The following EPB41L4B variants were observed in gnomAD, a reference collection of about 807,000 sequenced individuals.
The protein encoded by EPB41L4B is band 4.1-like protein 4B.
Under a neutral mutation model 112.5 loss-of-function variants are expected in EPB41L4B, and 30 were observed. The observed-to-expected ratio is 0.27, with a 90% CI of 0.20 to 0.36. The LOEUF is 0.36. Ranked by LOEUF, EPB41L4B falls within the 10% of genes least tolerant of loss-of-function variation. The probability of loss-of-function intolerance (pLI) is 1.00; values close to 1 mark genes in which losing one functional copy is unlikely to be tolerated. For synonymous variants in EPB41L4B, 408 were observed against 439.7 expected, an observed-to-expected ratio of 0.93 and a Z score of 0.90; for missense variants, 1,024 against 1,133.3, an observed-to-expected ratio of 0.90 and a Z score of 1.38.
At chr9:109,275,130 G>A (rs553402595) in intron 2 of EPB41L4B, among the ~76,000 whole-genome samples, 12 of 152,352 alleles carry the variant, frequency 7.9e-5, no homozygotes, top group African/African-American at 2.9e-4. Flanking sequence ...CTAAAAATAG[G>A]TGATATCAAT....
At chr9:109,214,042 G>C (rs1833278149) in intron 16 of EPB41L4B, among the ~76,000 whole-genome samples, 1 of 152,118 alleles carries the variant, frequency 6.6e-6, no homozygotes, top group African/African-American at 2.4e-5. Context: ...ACGCCCCTGG[G>C]TACGTTGTTT....
At chr9:109,250,198 AT>A (rs1466393017) in intron 13 of EPB41L4B, among the ~76,000 whole-genome samples, 1 of 152,186 alleles carries the variant, frequency 6.6e-6, no homozygotes, top group Non-Finnish European at 1.5e-5. Flanking sequence ...CAACCTCCTG[AT>A]TTGCAAAAAA....
At chr9:109,188,005 A>G (rs2118657035) in intron 22 of EPB41L4B, among the ~76,000 whole-genome samples, 1 of 152,306 alleles carries the variant, frequency 6.6e-6, no homozygotes, top group African/African-American at 2.4e-5. Context: ...TTGGAATACC[A>G]CTTAATTTTT....
rs544006189 is a variant in EPB41L4B at position 109,235,585 on chromosome 9, A to G, written c.1409+8033T>C. ...GCTAGTTTTTGCATTTTTAGTGGAG[A>G]CAGGGTTTCACCATGTTGGCCAGGC... On this transcript the variant is annotated intron_variant, in intron 15 of 25. Coordinates refer to ENST00000374566, the MANE Select transcript of EPB41L4B (RefSeq NM_019114.5). Among the ~76,000 whole-genome samples the G allele has an allele frequency of 1.7e-3, 252 of 151,400 alleles. 1 individual carries two copies. The highest frequency in any genetic ancestry group is 2.8e-3 in the Non-Finnish European group (188 of 67,838).
rs570832117 is a variant in EPB41L4B at position 109,233,679 on chromosome 9, C to T, written c.1409+9939G>A. ...CTGAGTAGCTGGGGTTACAGGCATG[C>T]GCCACCAGGTCCAGCTAATTGTTTG... On this transcript the variant is annotated intron_variant, in intron 15 of 25. Coordinates refer to ENST00000374566, the MANE Select transcript of EPB41L4B (RefSeq NM_019114.5). Among the ~76,000 whole-genome samples the T allele has an allele frequency of 8.2e-4, 124 of 152,098 alleles. 2 individuals carry two copies. In the Middle Eastern group the frequency reaches 0.024, roughly 29 times the overall value.
At chr9:109,197,197 C>T (rs541343709) in intron 20 of EPB41L4B, among the ~76,000 whole-genome samples, 34 of 152,044 alleles carry the variant, frequency 2.2e-4, no homozygotes, top group African/African-American at 6.3e-4. Flanking sequence ...CTGAAGCGGG[C>T]GGATCACCTG....
rs1217110518 is a variant in EPB41L4B at position 109,173,141 on chromosome 9, T to C, written c.*1413A>G. On this transcript the variant is annotated 3_prime_UTR_variant, in exon 26 of 26. Transcript: ENST00000374566. ...TTAAACTAGCAAAAATAAATAAAAATGGCAAAACCCAATACTGGCAGAGCT... is the reference window on the plus strand; with the variant it reads ...TTAAACTAGCAAAAATAAATAAAAACGGCAAAACCCAATACTGGCAGAGCT... 6.6e-6 allele frequency: 1 copy of C among 152,470 alleles called. No individual in the cohort carries two copies. The highest frequency in any genetic ancestry group is 2.4e-5 in the African/African-American group (1 of 41,406). 9.4% of individuals were successfully genotyped at this position (152,470 alleles called of 1,614,324 possible).
chr9:109,176,132 A>AT (rs60823915), intron 25 of EPB41L4B, among the ~76,000 whole-genome samples: 5,772 of 140,242 alleles, frequency 0.041, 123 homozygotes, highest in Admixed American at 0.049. Flanking sequence ...CCTTGTAAAC[A>AT]TTTTTTTTTT....
intron 15 of EPB41L4B, among the ~76,000 whole-genome samples, chr9:109,217,800 T>C (rs1316343781): frequency 1.3e-5 from 2 of 152,180 alleles, no homozygotes; most frequent in Non-Finnish European, 2.9e-5. Flanking sequence ...CTCAAACTCC[T>C]GGGCTCAAGT....
rs558451533 is a variant in EPB41L4B, at chr9:109,260,757, T to C, written c.631+2293A>G. Among the ~76,000 whole-genome samples, 9 of 152,274 alleles carry C rather than the reference T, an allele frequency of 5.9e-5. No homozygotes were observed. The South Asian group carries it at 1.7e-3, about 28-fold the overall frequency. On this transcript the variant is annotated intron_variant, in intron 6 of 25. Transcript: ENST00000374566. ...ATCACACTGACATTATGATTTCAGC[T>C]CAAAGGATAATTTCTCCAAGAACGG...
In EPB41L4B at chr9:109,174,322, C is replaced by T; in HGVS notation, c.*232G>A. Reference sequence around the variant, plus strand: ...GTTTTCCCATCTTTCTTTTCCTAGACTTATCAAATCCTGTCTCAACTACAT... The same window carrying T: ...GTTTTCCCATCTTTCTTTTCCTAGATTTATCAAATCCTGTCTCAACTACAT... On this transcript the variant is annotated 3_prime_UTR_variant, in exon 26 of 26. Transcript: ENST00000374566. 2.2e-6 allele frequency: 1 copy of T among 454,752 alleles called. No individual in the cohort carries two copies. Among genetic ancestry groups the T allele is most frequent in the East Asian group, 3.5e-5 (1 of 28,842 alleles). The allele number at this position is 454,752 out of a possible 1,614,324, so 28.2% of individuals were successfully genotyped here.
At chr9:109,320,007 G>T in intron 1 of EPB41L4B, 134 bp downstream of exon 1, 1 of 735,902 alleles carries the variant, frequency 1.4e-6, no homozygotes, top group Non-Finnish European at 1.9e-6. Flanking sequence ...GTTGAGGAGT[G>T]CTCGGAGAAG....
chr9:109,185,035 C>CA (rs1240081264), intron 23 of EPB41L4B, among the ~76,000 whole-genome samples: 4 of 152,092 alleles, frequency 2.6e-5, no homozygotes, highest in South Asian at 2.1e-4. Context: ...GTAAAAATGA[C>CA]AAAAAATCAT....
At chr9:109,258,042 C>T (rs1209747757) in intron 7 of EPB41L4B, 135 bp downstream of exon 7, 1 of 947,316 alleles carries the variant, frequency 1.1e-6, no homozygotes, top group Non-Finnish European at 1.6e-6. Flanking sequence ...AGGACTGACA[C>T]AAGGAGAGAA....
intron 1 of EPB41L4B, among the ~76,000 whole-genome samples, chr9:109,303,874 A>C (rs1469155029): frequency 1.3e-5 from 2 of 152,178 alleles, no homozygotes; most frequent in African/African-American, 2.4e-5. Flanking sequence ...AAATAAAATC[A>C]GTGCTTTTCC....
chr9:109,240,151 T>C (rs573015630), intron 15 of EPB41L4B: 5 of 984,400 alleles, frequency 5.1e-6, no homozygotes, highest in Middle Eastern at 5.2e-4. Context: ...GAAGATGGAG[T>C]CAAAAAAAAA....
chr9:109,224,210 A>G (rs1389516254), intron 15 of EPB41L4B, among the ~76,000 whole-genome samples: 2 of 152,118 alleles, frequency 1.3e-5, no homozygotes, highest in African/African-American at 4.8e-5. Context: ...AGAGAAATGA[A>G]AACAGGTCCA....
intron 24 of EPB41L4B, among the ~76,000 whole-genome samples, chr9:109,177,887 C>T (rs1831902129): frequency 2.6e-5 from 4 of 151,784 alleles, no homozygotes; most frequent in Admixed American, 2.6e-4. Context: ...CAGTATATTT[C>T]CTCACAGGTT....
chr9:109,192,190 G>T, intron 22 of EPB41L4B, 88 bp downstream of exon 22: 1 of 1,044,950 alleles, frequency 9.6e-7, no homozygotes, highest in Non-Finnish European at 1.4e-6. Context: ...CTCCTCAACA[G>T]CAATGCCCAC....
Sources: allele counts gnomAD v4.1 joint callset (sites outside exome capture counted in the v4.1 genomes callset), GRCh38; gene constraint gnomAD v4.1.1; transcripts MANE v1.5; gene names NCBI Gene and HGNC (gene_info 2026-07-23, HGNC 2026-07-21).